BSPH1: variants seen among roughly 807,000 people sequenced by gnomAD.
The protein encoded by BSPH1 is binder of sperm 1.
BSPH1 carries 21 observed loss-of-function variants against 22.5 expected under a neutral mutation model. That is an observed-to-expected ratio of 0.93 (90% confidence interval 0.66 to 1.35). The LOEUF (loss-of-function observed/expected upper bound fraction) is 1.35, where lower values mean the gene tolerates loss of function less well. Ranked by LOEUF, BSPH1 falls within the 40% of genes most tolerant of loss-of-function variation. The probability of loss-of-function intolerance (pLI) is 0.00; values close to 1 mark genes in which losing one functional copy is unlikely to be tolerated. For missense variants in BSPH1, 141 were observed against 154.2 expected, an observed-to-expected ratio of 0.91 and a Z score of 0.45; for synonymous variants, 42 against 53.6, an observed-to-expected ratio of 0.78 and a Z score of 0.95.
chr19:47,988,660 C>T (rs978724077), intron 1 of BSPH1, among the ~76,000 whole-genome samples: 1 of 152,124 alleles, frequency 6.6e-6, no homozygotes, highest in Admixed American at 6.6e-5. Context: ...TGACATCAAA[C>T]GATCGGTTGG....
chr19:47,977,097 C>G (rs1969372413), intron 4 of BSPH1, among the ~76,000 whole-genome samples: 1 of 152,226 alleles, frequency 6.6e-6, no homozygotes, highest in Non-Finnish European at 1.5e-5. Flanking sequence ...CCTATTTCAC[C>G]AAAGGCACAT....
chr19:47,968,828 G>A (rs918912834), intron 5 of BSPH1, among the ~76,000 whole-genome samples: 6 of 151,500 alleles, frequency 4.0e-5, no homozygotes, highest in Non-Finnish European at 7.4e-5. Context: ...GTGAAACCCC[G>A]TCTCTACTAA....
chr19:47,976,826 C>G lies in BSPH1; in HGVS notation c.285G>C (p.Trp95Cys). The G allele has an allele frequency of 6.4e-7, 1 of 1,551,570 alleles. No individual in the cohort carries two copies. The highest frequency in any genetic ancestry group is 1.2e-5 in the South Asian group (1 of 84,028). ...EDFANCVFPF[W>C]YRRLIYWECT... Reference sequence around the variant, plus strand: ...ACTCCCAGTAGATCAAGCGTCTGTACCAGAAGGGAAATACACAGTTTGCAA... The same window carrying G: ...ACTCCCAGTAGATCAAGCGTCTGTAGCAGAAGGGAAATACACAGTTTGCAA... Residue 95 changes from tryptophan to cysteine, a missense_variant, in exon 5 of 6, where the codon TGG becomes TGC. Physicochemically the swap from Trp to Cys is radical, Grantham distance 215. Transcript: ENST00000344839.
Position 47,973,659 on chromosome 19 carries a change from G to T in BSPH1, c.*2+3051C>A, listed in dbSNP as rs1441204993. On this transcript the variant is annotated intron_variant, in intron 5 of 5. Transcript: ENST00000344839. ...TGGACCCTTCCTTTCAGCCAGAAAAGAAAGATAATGTTTGCCTGGATATTA... is the reference window on the plus strand; with the variant it reads ...TGGACCCTTCCTTTCAGCCAGAAAATAAAGATAATGTTTGCCTGGATATTA... Among the ~76,000 whole-genome samples the T allele has an allele frequency of 2.6e-5, 4 of 152,164 alleles. No individual in the cohort carries two copies. The East Asian group carries it at 7.7e-4, about 29-fold the overall frequency.
At position 47,991,780 on chromosome 19, in the gene BSPH1, C is replaced by T. The variant is rs1377478262; in HGVS notation, c.73+229G>A. Among the ~76,000 whole-genome samples the T allele has an allele frequency of 1.4e-4, 14 of 98,150 alleles. 2 individuals carry two copies. The highest frequency in any genetic ancestry group is 2.8e-4 in the Non-Finnish European group (12 of 43,438). 64.4% of individuals were successfully genotyped at this position (98,150 alleles called of 152,430 possible). Reference sequence around the variant, plus strand: ...CTCCTCTTCCTTCTTCACCTCCTCCCCCCTTCTCCCCCCTTTCCCTCTTTC... The same window carrying T: ...CTCCTCTTCCTTCTTCACCTCCTCCTCCCTTCTCCCCCCTTTCCCTCTTTC... On this transcript the variant is annotated intron_variant, in intron 1 of 5. Coordinates refer to ENST00000344839, the MANE Select transcript of BSPH1 (RefSeq NM_001128326.2).
chr19:47,971,049 A>G (rs1969306726), intron 5 of BSPH1, among the ~76,000 whole-genome samples: 1 of 152,276 alleles, frequency 6.6e-6, no homozygotes, highest in South Asian at 2.1e-4. Context: ...TGGTGGCACC[A>G]ATGGATTCAG....
At chr19:47,976,516 A>ATTT (rs759439560) in intron 5 of BSPH1, among the ~76,000 whole-genome samples, 194 bp downstream of exon 5, 9,440 of 147,150 alleles carry the variant, frequency 0.064, 333 homozygotes, top group East Asian at 0.096. Flanking sequence ...CCATATTAAA[A>ATTT]CCCCATAATC....
intron 3 of BSPH1, among the ~76,000 whole-genome samples, chr19:47,978,261 T>C (rs1430873537): frequency 6.6e-6 from 1 of 151,904 alleles, no homozygotes; most frequent in Non-Finnish European, 1.5e-5. Context: ...CGTGCTACCA[T>C]GCCCAGTTAA....
intron 5 of BSPH1, among the ~76,000 whole-genome samples, chr19:47,971,305 G>A (rs543719240): frequency 8.8e-4 from 134 of 152,172 alleles, no homozygotes; most frequent in Non-Finnish European, 1.5e-3. Context: ...TTTTGGGTTC[G>A]AGCGATTCTC....
chr19:47,978,933 A>T (rs1347836198), intron 3 of BSPH1, among the ~76,000 whole-genome samples: 3 of 152,378 alleles, frequency 2.0e-5, no homozygotes, highest in Admixed American at 2.0e-4. Flanking sequence ...TCGATGATGA[A>T]ATAAATCACC....
chr19:47,980,700 G>A (rs1385851456), intron 2 of BSPH1, among the ~76,000 whole-genome samples: 1 of 151,818 alleles, frequency 6.6e-6, no homozygotes, highest in East Asian at 1.9e-4. Flanking sequence ...TCGATCTCCT[G>A]ACCTCGTGAT....
At chr19:47,980,990 G>C in intron 1 of BSPH1, 49 bp from the exon 2 acceptor site, 1 of 1,047,814 alleles carries the variant, frequency 9.5e-7, no homozygotes, top group Middle Eastern at 2.0e-4. Flanking sequence ...TAAAATAAAA[G>C]AGATGAAAGG....
chr19:47,976,694 C>T lies in BSPH1; in HGVS notation c.*2+16G>A, dbSNP rs1969367748. The T allele has an allele frequency of 2.6e-6, 4 of 1,550,508 alleles. No homozygotes were observed. The highest frequency in any genetic ancestry group is 3.9e-5 in the Admixed American group (2 of 50,974). On this transcript the variant is annotated intron_variant, in intron 5 of 5. Transcript: ENST00000344839. ...ATGATTAAACGTCTTCATCCCCCTC[C>T]CCTGGTAAATCTCACCATCATTCAC...
intron 5 of BSPH1, among the ~76,000 whole-genome samples, chr19:47,972,472 G>GT (rs1258284971): frequency 6.6e-6 from 1 of 151,992 alleles, no homozygotes; most frequent in African/African-American, 2.4e-5. Flanking sequence ...CCTGGTGTCT[G>GT]TTGTCCTTTT....
intron 1 of BSPH1, among the ~76,000 whole-genome samples, chr19:47,990,006 C>T (rs1410046512): frequency 6.6e-6 from 1 of 151,014 alleles, no homozygotes; most frequent in African/African-American, 2.4e-5. Context: ...TTAGTCCCAG[C>T]TACTCGGGAG....
chr19:47,977,730 C>T, intron 3 of BSPH1: 2 of 975,102 alleles, frequency 2.1e-6, no homozygotes, highest in Non-Finnish European at 2.4e-6. Context: ...TATAAACAGT[C>T]TCAAAATTTT....
At chr19:47,969,350 A>C (rs745348637) in intron 5 of BSPH1, among the ~76,000 whole-genome samples, 7 of 152,154 alleles carry the variant, frequency 4.6e-5, no homozygotes, top group Non-Finnish European at 7.4e-5. Flanking sequence ...TTTGTTTTGC[A>C]TGATTATTCA....
chr19:47,981,307 T>G (rs910283741), intron 1 of BSPH1, among the ~76,000 whole-genome samples: 20 of 152,362 alleles, frequency 1.3e-4, no homozygotes, highest in African/African-American at 4.3e-4. Context: ...ACTGAATACC[T>G]GAATTCTACT....
At chr19:47,968,253 T>C (rs1451973652) in intron 5 of BSPH1, 44 bp from the exon 6 acceptor site, 9 of 152,130 alleles carry the variant, frequency 5.9e-5, no homozygotes, top group Admixed American at 5.9e-4. Context: ...CAGACACAGA[T>C]TGCCCCAACA....
Sources: allele counts gnomAD v4.1 joint callset (sites outside exome capture counted in the v4.1 genomes callset), GRCh38; gene constraint gnomAD v4.1.1; transcripts MANE v1.5; gene names NCBI Gene and HGNC (gene_info 2026-07-23, HGNC 2026-07-21).